Variants in DCSTAMP observed in about 807,000 individuals in gnomAD.
DCSTAMP encodes dendrocyte expressed seven transmembrane protein.
Under a neutral mutation model 33.8 loss-of-function variants are expected in DCSTAMP, and 25 were observed. The observed-to-expected ratio is 0.74, with a 90% CI of 0.54 to 1.03. The LOEUF (loss-of-function observed/expected upper bound fraction) is 1.03, where lower values mean the gene tolerates loss of function less well. Ranked by LOEUF, DCSTAMP falls within the 50% of genes least tolerant of loss-of-function variation. The pLI, the probability that DCSTAMP is intolerant of heterozygous loss-of-function variation, is 0.00. For synonymous variants in DCSTAMP, 245 were observed against 216.7 expected (o/e 1.13, Z -1.15); for missense variants, 531 against 556.8 (o/e 0.95, Z 0.47).
chr8:104,347,044 C>T (rs1272332185), intron 1 of DCSTAMP, among the ~76,000 whole-genome samples: 3 of 152,148 alleles, frequency 2.0e-5, no homozygotes, highest in African/African-American at 7.2e-5. Flanking sequence ...TGATATAACG[C>T]TTATTAGATA....
At chr8:104,353,841 C>T (rs921862763) in intron 2 of DCSTAMP, among the ~76,000 whole-genome samples, 3 of 152,234 alleles carry the variant, frequency 2.0e-5, no homozygotes, top group Non-Finnish European at 2.9e-5. Flanking sequence ...TTACTAAGCA[C>T]CCCAGTCTAT....
At chr8:104,351,449 G>C (rs928567518) in intron 2 of DCSTAMP, among the ~76,000 whole-genome samples, 1 of 152,206 alleles carries the variant, frequency 6.6e-6, no homozygotes, top group African/African-American at 2.4e-5. Flanking sequence ...AAGAATTCAA[G>C]AGTGAGCTGA....
chr8:104,350,917 C>A (rs1345438568), intron 2 of DCSTAMP, among the ~76,000 whole-genome samples: 8 of 152,182 alleles, frequency 5.3e-5, no homozygotes, highest in Admixed American at 5.2e-4. Context: ...CAGAGTAATT[C>A]TAATGTGCAG....
At position 104,356,433 on chromosome 8, in the gene DCSTAMP, G is replaced by A. The variant is rs559435642; in HGVS notation, c.*235G>A. ...CCAAACAAACCACATGATCTTGCCT[G>A]TGTCACAATGTAACAAGACTCTAGC... On this transcript the variant is annotated 3_prime_UTR_variant, in exon 4 of 4. Coordinates refer to ENST00000297581, the MANE Select transcript of DCSTAMP (RefSeq NM_030788.4). The A allele has an allele frequency of 3.1e-6, 1 of 325,482 alleles. No individual in the cohort carries two copies. Among genetic ancestry groups the A allele is most frequent in the East Asian group, 5.3e-5 (1 of 18,988 alleles). 20.2% of individuals were successfully genotyped at this position (325,482 alleles called of 1,614,324 possible).
At chr8:104,344,729 C>T (rs1810248896) in intron 1 of DCSTAMP, among the ~76,000 whole-genome samples, 1 of 152,148 alleles carries the variant, frequency 6.6e-6, no homozygotes, top group Non-Finnish European at 1.5e-5. Flanking sequence ...ATCTGCTTGA[C>T]AAAGTCTTTG....
At chr8:104,346,316 C>T (rs1588371161) in intron 1 of DCSTAMP, among the ~76,000 whole-genome samples, 1 of 152,342 alleles carries the variant, frequency 6.6e-6, no homozygotes, top group South Asian at 2.1e-4. Context: ...GGCCACAGCT[C>T]CTGACTTGGT....
At chr8:104,342,111 T>C in intron 1 of DCSTAMP, among the ~76,000 whole-genome samples, 1 of 152,200 alleles carries the variant, frequency 6.6e-6, no homozygotes, top group Non-Finnish European at 1.5e-5. Context: ...TAGAAATCTT[T>C]GGGCAAAAAT....
intron 1 of DCSTAMP, among the ~76,000 whole-genome samples, chr8:104,342,757 C>T (rs918055504): frequency 6.6e-6 from 1 of 152,218 alleles, no homozygotes; most frequent in East Asian, 1.9e-4. Flanking sequence ...CTTCCCCATC[C>T]CTGGGAGAGA....
Position 104,348,903 on chromosome 8 carries a change from C to T in DCSTAMP, c.351C>T (p.Asn117=), listed in dbSNP as rs770939198. The part of the protein sequence containing the change: ...ILGHVENIFH[N]FKGLLDGMTC... ...GACACGTAGAAAATATTTTTCACAA[C>T]TTTAAAGGTCTCCTAGATGGTATGA... The change falls in exon 2 of 4, where the codon AAC becomes AAT. Residue 117 remains asparagine, a synonymous_variant. Transcript: ENST00000297581. 1.2e-5 allele frequency: 20 copies of T among 1,614,102 alleles called. No homozygotes were observed. Among genetic ancestry groups the T allele is most frequent in the Non-Finnish European group, 1.6e-5 (19 of 1,180,048 alleles).
In DCSTAMP at chr8:104,354,441, C is replaced by T. The variant is rs142231221; in HGVS notation, c.1030-436C>T. 2.5e-3 allele frequency among the ~76,000 whole-genome samples: 376 copies of T among 152,214 alleles called. 1 individual carries two copies. The highest frequency in any genetic ancestry group is 8.6e-3 in the African/African-American group (359 of 41,532). The stretch of plus-strand genomic sequence containing the variant: ...TTAGCTGACTCCCCGCTCTTTCTTT[C>T]GCCCCATGTGTGCTAACATGTAGAA... On this transcript the variant is annotated intron_variant, in intron 2 of 3. Transcript: ENST00000297581.
Position 104,348,744 on chromosome 8 carries a change from C to G in DCSTAMP, c.192C>G (p.Ser64=). ...CATCAATCATAGCGGCCGCTGCCTC[C>G]TGGATTATCACGTGTGTTCTGCTGT... The part of the protein sequence containing the change: ...FLPSIIAAAA[S]WIITCVLLCC... Residue 64 remains serine, a synonymous_variant, in exon 2 of 4, where the codon TCC becomes TCG. Coordinates refer to ENST00000297581, the MANE Select transcript of DCSTAMP (RefSeq NM_030788.4). The G allele has an allele frequency of 1.9e-6, 3 of 1,614,180 alleles. No homozygotes were observed. The highest frequency in any genetic ancestry group is 2.5e-6 in the Non-Finnish European group (3 of 1,180,046).
Position 104,349,089 on chromosome 8 carries a change from C to G in DCSTAMP, c.537C>G (p.Ser179Arg). The G allele has an allele frequency of 1.2e-6, 2 of 1,614,110 alleles. No individual in the cohort carries two copies. Among genetic ancestry groups the G allele is most frequent in the Non-Finnish European group, 1.7e-6 (2 of 1,180,044 alleles). The change falls in exon 2 of 4, where the codon AGC (serine) becomes AGG (arginine). Residue 179 changes from serine to arginine, a missense_variant. Transcript: ENST00000297581. ...QTLAVSLFSPSHVLEAQLNDS... is the reference protein window; with the variant it reads ...QTLAVSLFSPRHVLEAQLNDS... ...TGGCAGTCTCTCTTTTCAGTCCCAG[C>G]CATGTCCTGGAGGCACAGCTAAATG... is the stretch of plus-strand genomic sequence containing the variant.
Position 104,348,725 on chromosome 8 carries a change from T to G in DCSTAMP, c.173T>G (p.Ile58Ser). ...GCCGCCTGCTGGTTTCTGCCATCAA[T>G]CATAGCGGCCGCTGCCTCCTGGATT... Reference protein sequence around the residue: ...SVAACWFLPSIIAAAASWIIT... With the variant: ...SVAACWFLPSSIAAAASWIIT... The change falls in exon 2 of 4, where the codon ATC (isoleucine) becomes AGC (serine). Residue 58 changes from isoleucine to serine, a missense_variant. Coordinates refer to ENST00000297581, the MANE Select transcript of DCSTAMP (RefSeq NM_030788.4). 1 of 1,614,168 alleles carries G rather than the reference T, an allele frequency of 6.2e-7. No homozygotes were observed.
intron 2 of DCSTAMP, among the ~76,000 whole-genome samples, chr8:104,351,753 A>T (rs917023378): frequency 1.3e-5 from 2 of 152,088 alleles, no homozygotes; most frequent in Non-Finnish European, 2.9e-5. Context: ...AATATATTAT[A>T]ATTAGCATAT....
rs75892069 is a variant in DCSTAMP at position 104,355,436 on chromosome 8, A to G, written c.1338+251A>G. ...TGGTTTCAAGAAAGTATGTTCAGTCATTGTAGAGAGGCGACTGGAGAGGTC... is the reference window on the plus strand; with the variant it reads ...TGGTTTCAAGAAAGTATGTTCAGTCGTTGTAGAGAGGCGACTGGAGAGGTC... On this transcript the variant is annotated intron_variant, in intron 3 of 3. Coordinates refer to ENST00000297581, the MANE Select transcript of DCSTAMP (RefSeq NM_030788.4). Among the ~76,000 whole-genome samples the G allele has an allele frequency of 4.6e-3, 703 of 152,290 alleles. 5 individuals are homozygous for G. The highest frequency in any genetic ancestry group is 0.016 in the African/African-American group (654 of 41,560).
chr8:104,343,579 G>T (rs1217312286), intron 1 of DCSTAMP, among the ~76,000 whole-genome samples: 7 of 152,238 alleles, frequency 4.6e-5, no homozygotes, highest in Admixed American at 4.6e-4. Flanking sequence ...GGTCCTAAGT[G>T]TGGAGCCCTC....
intron 2 of DCSTAMP, among the ~76,000 whole-genome samples, chr8:104,354,211 A>C (rs781148167): frequency 3.9e-5 from 6 of 152,326 alleles, no homozygotes; most frequent in Non-Finnish European, 8.8e-5. Flanking sequence ...TCCTTCAATA[A>C]TGTGGGCTAG....
rs935641995 is a variant in DCSTAMP, at chr8:104,349,418, A to G, written c.866A>G (p.Glu289Gly). 1 of 1,614,192 alleles carries G rather than the reference A, an allele frequency of 6.2e-7. No individual in the cohort carries two copies. Among genetic ancestry groups the G allele is most frequent in the Non-Finnish European group, 8.5e-7 (1 of 1,180,040 alleles). Reference sequence around the variant, plus strand: ...CCGACTTTCTGGCCGACTCCTAAAGAAAGGAAAAACCTGGGGCTGTTTTTC... The same window carrying G: ...CCGACTTTCTGGCCGACTCCTAAAGGAAGGAAAAACCTGGGGCTGTTTTTC... Reference protein sequence around the residue: ...IIPTFWPTPKERKNLGLFFLP... With the variant: ...IIPTFWPTPKGRKNLGLFFLP... Residue 289 changes from glutamate to glycine, a missense_variant, in exon 2 of 4, where the codon GAA (glutamate) becomes GGA (glycine). Transcript: ENST00000297581.
At chr8:104,354,808 G>A (rs1449013470) in intron 2 of DCSTAMP, 69 bp from the exon 3 acceptor site, 8 of 1,033,250 alleles carry the variant, frequency 7.7e-6, no homozygotes, top group Non-Finnish European at 1.1e-5. Context: ...CTGCAGGGAA[G>A]TACTGAGAAA....
Sources: allele counts gnomAD v4.1 joint callset (sites outside exome capture counted in the v4.1 genomes callset), GRCh38; gene constraint gnomAD v4.1.1; transcripts MANE v1.5; gene names NCBI Gene and HGNC (gene_info 2026-07-23, HGNC 2026-07-21).